The following CDH20 variants were observed in gnomAD, a reference collection of about 807,000 sequenced individuals.
CDH20 encodes the protein cadherin 20.
CDH20 carries 29 observed loss-of-function variants against 74.2 expected under a neutral mutation model. The observed-to-expected ratio is 0.39, with a 90% CI of 0.29 to 0.53. The LOEUF (loss-of-function observed/expected upper bound fraction) is 0.53. CDH20 is among the 20% of genes least tolerant of loss of function. CDH20 has a pLI of 0.69. For synonymous variants in CDH20, 469 were observed against 405.4 expected (o/e 1.16, Z -1.88); for missense variants, 988 against 1,048.3 (o/e 0.94, Z 0.79).
At chr18:61,543,406 G>A (rs987119612) in intron 9 of CDH20, among the ~76,000 whole-genome samples, 2 of 152,172 alleles carry the variant, frequency 1.3e-5, no homozygotes, top group Non-Finnish European at 2.9e-5. Flanking sequence ...GGTAGAAGAG[G>A]AAACACATAT....
intron 1 of CDH20, among the ~76,000 whole-genome samples, chr18:61,480,519 C>T (rs1910554099): frequency 6.6e-6 from 1 of 152,142 alleles, no homozygotes; most frequent in Non-Finnish European, 1.5e-5. Context: ...ACTTCCAGGT[C>T]ACAGGTAGGT....
At chr18:61,464,372 A>G (rs1909893003) in intron 1 of CDH20, among the ~76,000 whole-genome samples, 1 of 152,012 alleles carries the variant, frequency 6.6e-6, no homozygotes, top group East Asian at 1.9e-4. Context: ...GTCCAAACCT[A>G]GTCTCACCCC....
chr18:61,427,100 G>C (rs768244643), intron 1 of CDH20, among the ~76,000 whole-genome samples: 5 of 152,150 alleles, frequency 3.3e-5, no homozygotes, highest in Non-Finnish European at 7.3e-5. Context: ...AGGATAAAGA[G>C]AGGAAATAGG....
intron 10 of CDH20, among the ~76,000 whole-genome samples, chr18:61,549,427 C>T (rs1400389914): frequency 1.3e-5 from 2 of 152,184 alleles, no homozygotes; most frequent in African/African-American, 4.8e-5. Context: ...ACTAAATGAG[C>T]AGGTTCTTTA....
intron 10 of CDH20, among the ~76,000 whole-genome samples, chr18:61,547,453 C>CT (rs1161415210): frequency 6.6e-6 from 1 of 152,080 alleles, no homozygotes; most frequent in Non-Finnish European, 1.5e-5. Context: ...CCAGTAAAGC[C>CT]TTTTTTTACT....
rs1490643521 is a variant in CDH20, at chr18:61,554,231, C to A, written c.1942C>A (p.Gln648Lys). 6.2e-7 allele frequency: 1 copy of A among 1,613,784 alleles called. No homozygotes were observed. The highest frequency in any genetic ancestry group is 8.5e-7 in the Non-Finnish European group (1 of 1,179,830). The change falls in exon 12 of 12, where the codon CAA becomes AAA. Residue 648 changes from glutamine (Q) to lysine (K), a missense_variant. By Grantham distance (53) the Gln-to-Lys change is moderately conservative. This residue lies in a region of CDH20 where 375 missense variants were observed against 293.1 expected (regional missense o/e 1.28). Transcript: ENST00000262717. The part of the protein sequence containing the change: ...LILSMRRHRK[Q>K]PYIIDDEENI... ...TTTGTCCATGAGGCGGCACCGGAAA[C>A]AACCATACATCATCGACGACGAGGA...
intron 1 of CDH20, among the ~76,000 whole-genome samples, chr18:61,445,907 G>A (rs994978313): frequency 1.3e-5 from 2 of 152,128 alleles, no homozygotes; most frequent in Non-Finnish European, 2.9e-5. Context: ...TGCTAAGCTA[G>A]TGCTGGATTT....
intron 1 of CDH20, among the ~76,000 whole-genome samples, chr18:61,409,073 G>A (rs183071494): frequency 2.6e-5 from 4 of 152,230 alleles, no homozygotes; most frequent in Non-Finnish European, 5.9e-5. Context: ...CCCCTTCCAG[G>A]GAAGGATGAC....
chr18:61,446,439 A>G (rs1909207476), intron 1 of CDH20, among the ~76,000 whole-genome samples: 1 of 152,088 alleles, frequency 6.6e-6, no homozygotes, highest in African/African-American at 2.4e-5. Context: ...AAGAACTTGA[A>G]TCTTTTTCTC....
chr18:61,386,784 C>T (rs566432893), intron 1 of CDH20, among the ~76,000 whole-genome samples: 95 of 151,758 alleles, frequency 6.3e-4, no homozygotes, highest in African/African-American at 1.4e-3. Context: ...TATCTCAAAA[C>T]GTAAATATCA....
chr18:61,539,233 T>A lies in CDH20; in HGVS notation c.1530+88T>A, dbSNP rs1217423630. The stretch of plus-strand genomic sequence containing the variant: ...TAACCAAATTCACCATCAAAGCCAT[T>A]TTGACTCCAGAAACGAACAGTTCAC... On this transcript the variant is annotated intron_variant, in intron 9 of 11. Transcript: ENST00000262717. The A allele has an allele frequency of 3.7e-6, 5 of 1,362,624 alleles. No homozygotes were observed. In the African/African-American group the frequency reaches 7.2e-5, roughly 20 times the overall value. 84.4% of individuals were successfully genotyped at this position (1,362,624 alleles called of 1,614,324 possible).
intron 11 of CDH20, among the ~76,000 whole-genome samples, chr18:61,552,171 C>T (rs1415354372): frequency 1.7e-5 from 1 of 57,232 alleles, no homozygotes; most frequent in Admixed American, 2.7e-4. Flanking sequence ...TTCTGACTTC[C>T]TGGGTTTTTT....
chr18:61,346,794 T>C (rs530211324), intron 1 of CDH20, among the ~76,000 whole-genome samples: 19 of 152,336 alleles, frequency 1.2e-4, no homozygotes, highest in African/African-American at 4.6e-4. Flanking sequence ...ATATTTCAGC[T>C]GAACACAGGT....
At chr18:61,461,718 T>A (rs976596510) in intron 1 of CDH20, among the ~76,000 whole-genome samples, 3 of 152,024 alleles carry the variant, frequency 2.0e-5, no homozygotes, top group Non-Finnish European at 2.9e-5. Flanking sequence ...CTCCACAGGG[T>A]GGGAGCAGGC....
At chr18:61,498,935 G>A (rs1911263933) in intron 2 of CDH20, among the ~76,000 whole-genome samples, 1 of 152,094 alleles carries the variant, frequency 6.6e-6, no homozygotes, top group Non-Finnish European at 1.5e-5. Flanking sequence ...TCAGGGAGAA[G>A]AATTTTGTTT....
At chr18:61,448,524 T>C in intron 1 of CDH20, among the ~76,000 whole-genome samples, 1 of 152,202 alleles carries the variant, frequency 6.6e-6, no homozygotes, top group South Asian at 2.1e-4. Context: ...GAAGTGCGAC[T>C]GTGGCAGGAG....
At chr18:61,462,538 T>A (rs906346257) in intron 1 of CDH20, among the ~76,000 whole-genome samples, 6 of 152,116 alleles carry the variant, frequency 3.9e-5, no homozygotes, top group Non-Finnish European at 7.4e-5. Flanking sequence ...CAATCACATA[T>A]GGCTAGCATT....
In CDH20 at chr18:61,364,374, G is replaced by A. The variant is rs573205704; in HGVS notation, c.-153+30547G>A. ...GTTGCCCAGGCTGGAGTGCAATGGCGTGATCTTGGCTCACCACAACCTCCA... is the reference window on the plus strand; with the variant it reads ...GTTGCCCAGGCTGGAGTGCAATGGCATGATCTTGGCTCACCACAACCTCCA... On this transcript the variant is annotated intron_variant, in intron 1 of 11. Transcript: ENST00000262717. 3.3e-5 allele frequency among the ~76,000 whole-genome samples: 5 copies of A among 152,224 alleles called. No individual in the cohort carries two copies. In the South Asian group the frequency reaches 6.2e-4, roughly 19 times the overall value.
At chr18:61,343,311 T>C (rs1022977387) in intron 1 of CDH20, among the ~76,000 whole-genome samples, 11 of 152,214 alleles carry the variant, frequency 7.2e-5, no homozygotes, top group Non-Finnish European at 1.6e-4. Context: ...GTCATACAAA[T>C]TTAATGAAAC....
Sources: allele counts gnomAD v4.1 joint callset (sites outside exome capture counted in the v4.1 genomes callset), GRCh38; gene constraint gnomAD v4.1.1; regional missense constraint gnomAD v4.1.1; transcripts MANE v1.5; gene names NCBI Gene and HGNC (gene_info 2026-07-23, HGNC 2026-07-21).